The following LGSN variants were observed in gnomAD, a reference collection of about 807,000 sequenced individuals.
The protein encoded by LGSN is lengsin, lens protein with glutamine synthetase domain, also known as lengsin.
Under a neutral mutation model 19.5 loss-of-function variants are expected in LGSN, and 21 were observed. That is an observed-to-expected ratio of 1.07 (90% CI 0.76 to 1.55). The LOEUF is 1.55. Ranked by LOEUF, LGSN falls within the 40% of genes most tolerant of loss-of-function variation. The pLI is 0.00. For synonymous variants in LGSN, 257 were observed against 215.6 expected, an observed-to-expected ratio of 1.19 and a Z score of -1.68; for missense variants, 673 against 608.5, an observed-to-expected ratio of 1.11 and a Z score of -1.12.
the LGSN span, among the ~76,000 whole-genome samples, chr6:63,445,388 C>T: frequency 1.3e-5 from 2 of 151,634 alleles, no homozygotes; most frequent in South Asian, 2.1e-4. Flanking sequence ...GAGGCCAAGG[C>T]GGGCAGATCA....
chr6:63,519,722 G>A, the LGSN span, among the ~76,000 whole-genome samples: 1 of 152,220 alleles, frequency 6.6e-6, no homozygotes, highest in Non-Finnish European at 1.5e-5. Context: ...CAATTCATGT[G>A]TGACAGTTCT....
At chr6:63,333,899 A>T in the LGSN span, among the ~76,000 whole-genome samples, 1 of 152,228 alleles carries the variant, frequency 6.6e-6, no homozygotes, top group Admixed American at 6.5e-5. Flanking sequence ...ATAGATGCAG[A>T]AAAAGCATTT....
chr6:63,468,209 C>A, the LGSN span, among the ~76,000 whole-genome samples: 1 of 152,126 alleles, frequency 6.6e-6, no homozygotes, highest in African/African-American at 2.4e-5. Context: ...TGGCTTACTG[C>A]AACCTCCCTC....
chr6:63,490,171 C>T, the LGSN span, among the ~76,000 whole-genome samples: 20 of 152,192 alleles, frequency 1.3e-4, no homozygotes. Context: ...GAAGTCTTTA[C>T]ACTGCTGCCA....
chr6:63,390,701 A>G, the LGSN span, among the ~76,000 whole-genome samples: 1 of 149,046 alleles, frequency 6.7e-6, no homozygotes, highest in Non-Finnish European at 1.5e-5. Flanking sequence ...CTAAAAATAC[A>G]AAAAAAAAGT....
chr6:63,344,684 C>T, the LGSN span, among the ~76,000 whole-genome samples: 3 of 151,636 alleles, frequency 2.0e-5, no homozygotes, highest in Admixed American at 6.6e-5. Context: ...GAGATTTAGA[C>T]AACTGGCTGA....
At chr6:63,523,014 G>A in the LGSN span, among the ~76,000 whole-genome samples, 2 of 152,026 alleles carry the variant, frequency 1.3e-5, no homozygotes, top group Non-Finnish European at 2.9e-5. Context: ...ACAGGCATGT[G>A]CCACCACGCT....
chr6:63,434,009 G>T, the LGSN span, among the ~76,000 whole-genome samples: 1 of 152,166 alleles, frequency 6.6e-6, no homozygotes, highest in Non-Finnish European at 1.5e-5. Context: ...AGTGTTAAGA[G>T]AAACAAAGGC....
At chr6:63,520,402 G>A in the LGSN span, among the ~76,000 whole-genome samples, 4 of 152,194 alleles carry the variant, frequency 2.6e-5, no homozygotes, top group East Asian at 5.8e-4. Context: ...TGAGGCGGGC[G>A]GATCACTTGA....
the LGSN span, among the ~76,000 whole-genome samples, chr6:63,348,751 T>C: frequency 1.3e-5 from 2 of 151,306 alleles, no homozygotes; most frequent in African/African-American, 4.8e-5. Context: ...CTTTTTTTTT[T>C]TTTTTTTTTG....
At chr6:63,514,112 G>A in the LGSN span, among the ~76,000 whole-genome samples, 1 of 152,106 alleles carries the variant, frequency 6.6e-6, no homozygotes, top group South Asian at 2.1e-4. Context: ...TTGGTCCCTG[G>A]TCCTGTTCTT....
At chr6:63,499,388 G>A in the LGSN span, among the ~76,000 whole-genome samples, 1 of 152,104 alleles carries the variant, frequency 6.6e-6, no homozygotes, top group African/African-American at 2.4e-5. Flanking sequence ...AAGCAACACT[G>A]TGCTCAACTC....
chr6:63,283,818 A>G (rs892773770), intron 3 of LGSN, among the ~76,000 whole-genome samples: 3 of 152,026 alleles, frequency 2.0e-5, no homozygotes, highest in African/African-American at 7.3e-5. Flanking sequence ...CTCCTGCCTC[A>G]GCTTCCCAAG....
chr6:63,302,828 T>C (rs1007597848), intron 1 of LGSN, among the ~76,000 whole-genome samples: 2 of 151,986 alleles, frequency 1.3e-5, no homozygotes, highest in East Asian at 1.9e-4. Context: ...ACTGCCATCA[T>C]TGAAAGCTCT....
chr6:63,378,530 T>C, the LGSN span, among the ~76,000 whole-genome samples: 1 of 152,066 alleles, frequency 6.6e-6, no homozygotes, highest in Non-Finnish European at 1.5e-5. Flanking sequence ...AGAAAATAGG[T>C]TTATTTGGCT....
chr6:63,429,080 G>A, the LGSN span, among the ~76,000 whole-genome samples: 1 of 152,096 alleles, frequency 6.6e-6, no homozygotes, highest in Non-Finnish European at 1.5e-5. Context: ...ATTACATGAG[G>A]CTTCAGCAGT....
At chr6:63,471,990 G>C in the LGSN span, among the ~76,000 whole-genome samples, 10 of 152,138 alleles carry the variant, frequency 6.6e-5, no homozygotes, top group Admixed American at 2.0e-4. Flanking sequence ...TCTCACTTCT[G>C]TTTTATCCAG....
upstream of LGSN, among the ~76,000 whole-genome samples, chr6:63,320,712 T>C (rs958611687): frequency 1.3e-5 from 2 of 152,198 alleles, no homozygotes; most frequent in African/African-American, 2.4e-5. Context: ...ACTTCAAGTA[T>C]TGTTGATGAA....
At chr6:63,520,935 G>C in the LGSN span, among the ~76,000 whole-genome samples, 2 of 152,110 alleles carry the variant, frequency 1.3e-5, no homozygotes, top group Non-Finnish European at 2.9e-5. Context: ...CCTTTGCAGG[G>C]ACATGGATGA....
Sources: gnomAD v4.1 joint callset for allele counts (sites outside exome capture counted in the v4.1 genomes callset) on GRCh38, gnomAD v4.1.1 for gene constraint, MANE v1.5 for transcripts, NCBI Gene and HGNC (gene_info 2026-07-23, HGNC 2026-07-21) for gene names.